The following ARHGAP21 variants were observed in gnomAD, a reference collection of about 807,000 sequenced individuals.
ARHGAP21 encodes the protein rho GTPase-activating protein 21.
ARHGAP21 carries 38 observed loss-of-function variants against 164.6 expected under a neutral mutation model. The observed-to-expected ratio is 0.23, with a 90% CI of 0.18 to 0.30. ARHGAP21 has a LOEUF of 0.30. ARHGAP21 is among the 10% of genes least tolerant of loss of function. The probability of loss-of-function intolerance (pLI) is 1.00; values close to 1 mark genes in which losing one functional copy is unlikely to be tolerated. For missense variants in ARHGAP21, 1,822 were observed against 2,370.7 expected (o/e 0.77, Z 4.81); for synonymous variants, 766 against 857.9 (o/e 0.89, Z 1.87).
Position 24,585,851 on chromosome 10 carries a change from T to A in ARHGAP21, c.4438A>T (p.Arg1480Trp), listed in dbSNP as rs2076080258. ...KIIIAKENST[R>W]KDPSTTKDEK... ...TCTTTTGTCGTGCTGGGGTCTTTCCTAGTGCTGTTTTCTTTGGCAATGATG... is the reference window on the plus strand; with the variant it reads ...TCTTTTGTCGTGCTGGGGTCTTTCCAAGTGCTGTTTTCTTTGGCAATGATG... The change falls in exon 26 of 26, where the codon AGG (arginine) becomes TGG (tryptophan). Residue 1480 changes from arginine to tryptophan, a missense_variant. Arg to Trp is a moderately radical substitution (Grantham distance 101, BLOSUM62 -3). Transcript: ENST00000396432. 1 of 1,614,016 alleles carries A rather than the reference T, an allele frequency of 6.2e-7. No individual in the cohort carries two copies.
At chr10:24,689,948 G>GTATGTATATGTATATATATGTATA (rs1565169515) in intron 2 of ARHGAP21, among the ~76,000 whole-genome samples, 108 of 5,466 alleles carry the variant, frequency 0.02, 1 homozygote, top group African/African-American at 0.1. Flanking sequence ...ATATGTATAT[G>GTATGTATATGTATATATATGTATA]TGTGTGTGTG....
In ARHGAP21 at chr10:24,723,675, C is replaced by A; in HGVS notation, c.-494G>T. 9.7e-6 allele frequency: 1 copy of A among 103,320 alleles called. No homozygotes were observed. The highest frequency in any genetic ancestry group is 2.9e-4 in the South Asian group (1 of 3,436). The allele number at this position is 103,320 out of a possible 1,614,324, so 6.4% of individuals were successfully genotyped here. ...CGCAGCCGGACGATCCCGCGCTGCC[C>A]GCCGCCGCCGCCGCCGCCGCCGCCG... On this transcript the variant is annotated 5_prime_UTR_variant, in exon 1 of 26. Transcript: ENST00000396432.
chr10:24,690,858 A>G, intron 2 of ARHGAP21, among the ~76,000 whole-genome samples: 1 of 150,464 alleles, frequency 6.6e-6, no homozygotes, highest in Non-Finnish European at 1.5e-5. Flanking sequence ...ATATATACAC[A>G]TATATATATA....
intron 2 of ARHGAP21, among the ~76,000 whole-genome samples, chr10:24,702,571 G>GT (rs370319943): frequency 7.8e-4 from 114 of 146,348 alleles, no homozygotes; most frequent in Non-Finnish European, 9.4e-4. Context: ...TTGTTTTAAG[G>GT]TTTTTTTTTT....
chr10:24,636,029 C>T (rs1011575838), intron 4 of ARHGAP21, among the ~76,000 whole-genome samples: 3 of 152,150 alleles, frequency 2.0e-5, no homozygotes, highest in African/African-American at 2.4e-5. Context: ...GCATGATCAA[C>T]CCCGTAAGTC....
chr10:24,592,769 T>TCCCC (rs1234460671), intron 21 of ARHGAP21, among the ~76,000 whole-genome samples: 4 of 151,468 alleles, frequency 2.6e-5, no homozygotes, highest in African/African-American at 9.7e-5. Context: ...AAAAACTCCC[T>TCCCC]CCCCTTCAGA....
At chr10:24,609,433 T>C (rs1214162313) in intron 9 of ARHGAP21, among the ~76,000 whole-genome samples, 14 of 152,182 alleles carry the variant, frequency 9.2e-5, no homozygotes, top group Admixed American at 9.2e-4. Context: ...TACTCACCTG[T>C]TCTAAAGGAG....
chr10:24,701,492 T>G (rs767475831), intron 2 of ARHGAP21, among the ~76,000 whole-genome samples: 3 of 152,154 alleles, frequency 2.0e-5, no homozygotes, highest in Non-Finnish European at 4.4e-5. Context: ...AACAGAACAT[T>G]TCTCTGAGAA....
chr10:24,615,664 A>G (rs1395272205), intron 9 of ARHGAP21, among the ~76,000 whole-genome samples: 3 of 152,188 alleles, frequency 2.0e-5, no homozygotes, highest in African/African-American at 4.8e-5. Context: ...TATCCATAAA[A>G]CGGGTTATTA....
rs539999883 is a variant in ARHGAP21 at position 24,589,219 on chromosome 10, GC to G, written c.4182+51del. The G allele has an allele frequency of 3.2e-3, 4,751 of 1,490,452 alleles. 16 individuals carry two copies. The highest frequency in any genetic ancestry group is 0.011 in the Middle Eastern group (62 of 5,824). 92.3% of individuals were successfully genotyped at this position (1,490,452 alleles called of 1,614,324 possible). A position where few individuals can be genotyped will look rare whatever the true frequency, so the allele number is the denominator to read the frequency against. On this transcript the variant is annotated intron_variant, in intron 25 of 25. Transcript: ENST00000396432. ...ATTTGTGTATCAACCATAACAATCA[GC>G]CGAAAAACAATTCCCCCCTAAAATA...
At position 24,620,774 on chromosome 10, in the gene ARHGAP21, T is replaced by C; in HGVS notation, c.1121A>G (p.Asn374Ser). The change falls in exon 9 of 26, where the codon AAT (asparagine) becomes AGT (serine). Residue 374 changes from asparagine to serine, a missense_variant. By Grantham distance (46) the Asn-to-Ser change is conservative. This residue lies in a region of ARHGAP21 where 1,090 missense variants were observed against 1,378.9 expected (regional missense o/e 0.79). Transcript: ENST00000396432. ...CTGATGGGAATTTGGCGAATAGTGATTAACAGATACAGAGGGAGCCTCCAC... is the reference window on the plus strand; with the variant it reads ...CTGATGGGAATTTGGCGAATAGTGACTAACAGATACAGAGGGAGCCTCCAC... ...QAVEAPSVSV[N>S]HYSPNSHQHI... 1 of 1,614,198 alleles carries C rather than the reference T, an allele frequency of 6.2e-7. No homozygotes were observed. Among genetic ancestry groups the C allele is most frequent in the South Asian group, 1.1e-5 (1 of 91,080 alleles).
At chr10:24,702,274 G>T (rs976486580) in intron 2 of ARHGAP21, among the ~76,000 whole-genome samples, 1 of 151,592 alleles carries the variant, frequency 6.6e-6, no homozygotes, top group Non-Finnish European at 1.5e-5. Flanking sequence ...GGGACTACAG[G>T]CACCCGCCAT....
intron 2 of ARHGAP21, among the ~76,000 whole-genome samples, chr10:24,695,909 A>C (rs1429548036): frequency 6.6e-6 from 1 of 152,198 alleles, no homozygotes; most frequent in African/African-American, 2.4e-5. Flanking sequence ...TGATGCCATG[A>C]TGACAGCCTC....
chr10:24,716,399 G>T (rs944934196), intron 2 of ARHGAP21, among the ~76,000 whole-genome samples: 1 of 152,348 alleles, frequency 6.6e-6, no homozygotes, highest in South Asian at 2.1e-4. Flanking sequence ...AAGCCCGAAG[G>T]AGCCAAGGAA....
At chr10:24,597,637 G>A (rs1392241818) in intron 15 of ARHGAP21, 54 bp from the exon 16 acceptor site, 15 of 1,598,446 alleles carry the variant, frequency 9.4e-6, no homozygotes, top group Non-Finnish European at 8.5e-7. Flanking sequence ...CTCTATCTAT[G>A]GTTTCAGTTA....
At chr10:24,656,181 G>T (rs1421445328) in intron 4 of ARHGAP21, among the ~76,000 whole-genome samples, 1 of 129,914 alleles carries the variant, frequency 7.7e-6, no homozygotes, top group Non-Finnish European at 1.6e-5. Flanking sequence ...TCAGCCCCCC[G>T]CCCGGCCAGC....
chr10:24,708,358 G>A (rs936546643), intron 2 of ARHGAP21, among the ~76,000 whole-genome samples: 2 of 152,126 alleles, frequency 1.3e-5, no homozygotes, highest in Non-Finnish European at 2.9e-5. Context: ...TAACTGACTT[G>A]CTAGACCAAC....
At chr10:24,628,820 T>TAC (rs997392986) in intron 7 of ARHGAP21, among the ~76,000 whole-genome samples, 2 of 142,708 alleles carry the variant, frequency 1.4e-5, no homozygotes, top group Non-Finnish European at 3.0e-5. Context: ...TATATACATA[T>TAC]ACACACATAT....
intron 2 of ARHGAP21, among the ~76,000 whole-genome samples, chr10:24,684,011 G>T (rs1321836722): frequency 6.6e-6 from 1 of 152,214 alleles, no homozygotes; most frequent in Non-Finnish European, 1.5e-5. Flanking sequence ...CCTAGGCCAG[G>T]CATGGTGGCT....
Sources: allele counts gnomAD v4.1 joint callset (sites outside exome capture counted in the v4.1 genomes callset), GRCh38; gene constraint gnomAD v4.1.1; regional missense constraint gnomAD v4.1.1; transcripts MANE v1.5; gene names NCBI Gene and HGNC (gene_info 2026-07-23, HGNC 2026-07-21).